The following NDST3 variants were observed in gnomAD, a reference collection of about 807,000 sequenced individuals.
NDST3 encodes N-deacetylase and N-sulfotransferase 3, also known as bifunctional heparan sulfate N-deacetylase/N-sulfotransferase 3.
Under a neutral mutation model 96.1 loss-of-function variants are expected in NDST3, and 58 were observed. The ratio of observed to expected loss-of-function variants is 0.60; its 90% CI spans 0.49 to 0.75. NDST3 has a LOEUF of 0.75. Among genes scored for constraint, NDST3 ranks in the 30% least tolerant of loss-of-function variants. The pLI, the probability that NDST3 is intolerant of heterozygous loss-of-function variation, is 0.00. For synonymous variants in NDST3, 333 were observed against 359.7 expected (o/e 0.93, Z 0.84); for missense variants, 788 against 1,034.2 (o/e 0.76, Z 3.27).
chr4:118,056,398 A>G (rs192602908), intron 2 of NDST3, among the ~76,000 whole-genome samples: 41 of 152,092 alleles, frequency 2.7e-4, no homozygotes, highest in African/African-American at 9.9e-4. Context: ...TGAACACATT[A>G]AAGAAAAATT....
intron 6 of NDST3, among the ~76,000 whole-genome samples, chr4:118,223,778 G>T (rs901114532): frequency 2.0e-5 from 3 of 151,826 alleles, no homozygotes; most frequent in African/African-American, 7.3e-5. Flanking sequence ...TATATTTTAG[G>T]AAAGTACTAT....
At chr4:118,158,420 TG>T (rs1217396341) in intron 6 of NDST3, among the ~76,000 whole-genome samples, 2 of 151,940 alleles carry the variant, frequency 1.3e-5, no homozygotes, top group African/African-American at 2.4e-5. Flanking sequence ...AATTTTAGCA[TG>T]AAAAAAATGG....
intron 1 of NDST3, among the ~76,000 whole-genome samples, chr4:118,038,093 G>T (rs1724251775): frequency 6.6e-6 from 1 of 152,226 alleles, no homozygotes; most frequent in Middle Eastern, 3.4e-3. Flanking sequence ...TTGTTCCCAT[G>T]AGTCTAATGA....
chr4:118,129,810 T>C (rs1027688046), intron 4 of NDST3, among the ~76,000 whole-genome samples: 1 of 152,112 alleles, frequency 6.6e-6, no homozygotes, highest in Non-Finnish European at 1.5e-5. Context: ...ATTATTGTAC[T>C]GGGGTCTATC....
chr4:118,215,746 T>A lies in NDST3; in HGVS notation c.1540-8745T>A, dbSNP rs2125989305. 2.0e-5 allele frequency among the ~76,000 whole-genome samples: 3 copies of A among 152,158 alleles called. No homozygotes were observed. The Middle Eastern group carries it at 0.01, about 518-fold the overall frequency. ...GGATATATTAGTCTTGACAACAAAA[T>A]GGAACACCTTTGCTTGACACTCCAG... is the stretch of plus-strand genomic sequence containing the variant. On this transcript the variant is annotated intron_variant, in intron 6 of 13. Transcript: ENST00000296499.
intron 4 of NDST3, among the ~76,000 whole-genome samples, chr4:118,118,514 CT>C (rs1731296414): frequency 6.6e-6 from 1 of 152,164 alleles, no homozygotes; most frequent in African/African-American, 2.4e-5. Context: ...ATCTATTATC[CT>C]TTTGCACAAT....
rs1450866324 is a variant in NDST3 at position 118,054,080 on chromosome 4, A to G, written c.170A>G (p.His57Arg). 2 of 1,612,962 alleles carry G rather than the reference A, an allele frequency of 1.2e-6. No individual in the cohort carries two copies. The highest frequency in any genetic ancestry group is 8.5e-7 in the Non-Finnish European group (1 of 1,179,326). The part of the protein sequence containing the change: ...ASEVDCGDLQ[H>R]LPYQLMEVKA... ...GAAGTTGACTGTGGCGACCTCCAAC[A>G]CCTACCATATCAACTAATGGAAGTG... is the stretch of plus-strand genomic sequence containing the variant. Residue 57 changes from histidine to arginine, a missense_variant, in exon 2 of 14, where the codon CAC becomes CGC. Around this residue, in one of 3 missense-constraint regions of NDST3, gnomAD observed 234 missense variants for 256.9 expected, o/e 0.91. Transcript: ENST00000296499.
intron 6 of NDST3, chr4:118,194,509 T>C (rs1002143801): frequency 1.4e-5 from 10 of 720,394 alleles, no homozygotes; most frequent in African/African-American, 1.0e-4. Context: ...CCTCCCCTTT[T>C]CCCAGGTCAA....
chr4:118,113,409 T>G (rs1442305484), intron 3 of NDST3, among the ~76,000 whole-genome samples: 1 of 152,210 alleles, frequency 6.6e-6, no homozygotes, highest in African/African-American at 2.4e-5. Flanking sequence ...CATGCGAAAG[T>G]GAAACTGAAG....
chr4:118,118,468 C>A (rs1401314125), intron 4 of NDST3, among the ~76,000 whole-genome samples: 3 of 152,132 alleles, frequency 2.0e-5, no homozygotes, highest in African/African-American at 7.2e-5. Flanking sequence ...CAGCCACATA[C>A]CTGCTATTTT....
chr4:118,192,939 G>A (rs931523117), intron 6 of NDST3, among the ~76,000 whole-genome samples: 1 of 152,150 alleles, frequency 6.6e-6, no homozygotes, highest in Non-Finnish European at 1.5e-5. Context: ...GAAGGGAACA[G>A]AGAAGAAATG....
rs761327089 is a variant in NDST3 at position 118,054,052 on chromosome 4, T to C, written c.142T>C (p.Ser48Pro). 2 of 1,612,996 alleles carry C rather than the reference T, an allele frequency of 1.2e-6. No individual in the cohort carries two copies. The highest frequency in any genetic ancestry group is 4.5e-5 in the East Asian group (2 of 44,832). Residue 48 changes from serine (S) to proline (P), a missense_variant, in exon 2 of 14, where the codon TCA becomes CCA. Around this residue, in one of 3 missense-constraint regions of NDST3, gnomAD observed 234 missense variants for 256.9 expected, o/e 0.91. Coordinates refer to ENST00000296499, the MANE Select transcript of NDST3 (RefSeq NM_004784.3). ...KQENELSETA[S>P]EVDCGDLQHL... ...GGAAAATGAACTCTCTGAGACGGCT[T>C]CAGAAGTTGACTGTGGCGACCTCCA...
rs936426348 is a variant in NDST3, at chr4:118,235,804, C to T, written c.1944-1242C>T. ...GAAATTTTTGTATATCTCTTTCTCC[C>T]TAAAAGGGTGCCAGAATTACATATC... On this transcript the variant is annotated intron_variant, in intron 9 of 13. Transcript: ENST00000296499. Among the ~76,000 whole-genome samples the T allele has an allele frequency of 4.6e-5, 7 of 152,250 alleles. No homozygotes were observed. In the East Asian group the frequency reaches 1.4e-3, roughly 29 times the overall value.
intron 5 of NDST3, among the ~76,000 whole-genome samples, chr4:118,139,500 T>C (rs768230408): frequency 6.6e-6 from 1 of 152,050 alleles, no homozygotes; most frequent in Non-Finnish European, 1.5e-5. Context: ...GATTACACAA[T>C]AAGCGAGAGA....
chr4:118,252,655 C>T (rs1053640981), intron 12 of NDST3, among the ~76,000 whole-genome samples: 24 of 152,310 alleles, frequency 1.6e-4, no homozygotes, highest in African/African-American at 5.8e-4. Flanking sequence ...CTTTGGGAGG[C>T]TGAGACAGGC....
chr4:118,118,443 T>C (rs533334494), intron 4 of NDST3, among the ~76,000 whole-genome samples: 2 of 152,350 alleles, frequency 1.3e-5, no homozygotes, highest in East Asian at 3.9e-4. Context: ...TTTCGGCCTT[T>C]GCTATCATCA....
chr4:118,147,842 A>T (rs371858700), intron 6 of NDST3, among the ~76,000 whole-genome samples: 7 of 152,298 alleles, frequency 4.6e-5, no homozygotes, highest in Admixed American at 3.3e-4. Flanking sequence ...TAATCACAAG[A>T]TGTTATGAGT....
chr4:118,146,383 A>G (rs1323638920), intron 6 of NDST3, among the ~76,000 whole-genome samples: 1 of 152,210 alleles, frequency 6.6e-6, no homozygotes, highest in African/African-American at 2.4e-5. Context: ...ATTCACATAC[A>G]TTTGAGCTGA....
intron 12 of NDST3, 40 bp downstream of exon 12, chr4:118,242,189 G>T: frequency 7.2e-7 from 1 of 1,379,892 alleles, no homozygotes; most frequent in Non-Finnish European, 1.0e-6. Flanking sequence ...CATTTCAGCA[G>T]AGAATTGATT....
Sources: gnomAD v4.1 joint callset for allele counts (sites outside exome capture counted in the v4.1 genomes callset) on GRCh38, gnomAD v4.1.1 for gene constraint, gnomAD v4.1.1 regional missense constraint, MANE v1.5 for transcripts, NCBI Gene and HGNC (gene_info 2026-07-23, HGNC 2026-07-21) for gene names.